Variants in CTNNA1 observed in about 807,000 individuals in gnomAD.
CTNNA1 encodes the protein catenin alpha 1, also known as catenin alpha-1.
In CTNNA1, 37 loss-of-function variants were observed where a neutral mutation model predicts 98.4. The observed-to-expected ratio is 0.38, with a 90% CI of 0.29 to 0.49. The LOEUF is 0.49. Among genes scored for constraint, CTNNA1 ranks in the 20% least tolerant of loss-of-function variants. The pLI, the probability that CTNNA1 is intolerant of heterozygous loss-of-function variation, is 0.95. For synonymous variants in CTNNA1, 404 were observed against 413.2 expected, an observed-to-expected ratio of 0.98 and a Z score of 0.27; for missense variants, 761 against 1,147.2, an observed-to-expected ratio of 0.66 and a Z score of 4.86.
At chr5:138,883,617 G>A (rs1193285142) in intron 7 of CTNNA1, among the ~76,000 whole-genome samples, 1 of 152,136 alleles carries the variant, frequency 6.6e-6, no homozygotes, top group Non-Finnish European at 1.5e-5. Flanking sequence ...AAATTCCTGG[G>A]CATTTCAGGT....
chr5:138,873,934 C>G lies in CTNNA1; in HGVS notation c.1063-12278C>G, dbSNP rs1338569045. 1 of 1,614,002 alleles carries G rather than the reference C, an allele frequency of 6.2e-7. No individual in the cohort carries two copies. The highest frequency in any genetic ancestry group is 1.7e-5 in the Admixed American group (1 of 60,022). On this transcript the variant is annotated intron_variant, in intron 7 of 17. Coordinates refer to ENST00000302763, the MANE Select transcript of CTNNA1 (RefSeq NM_001903.5). This position sits in a 1 kb window ranked among gnomAD's most constrained non-coding sequence, Gnocchi z 6.1. ...TCAGCTGGTTGTGCTCTAGGTGAAG[C>G]TCTCTCAGTTTAATTAATCCTGCAA...
intron 14 of CTNNA1, 50 bp downstream of exon 14, chr5:138,929,406 T>C: frequency 1.1e-6 from 1 of 905,108 alleles, no homozygotes; most frequent in Non-Finnish European, 1.9e-6. Flanking sequence ...CGACTTTCCC[T>C]GTCCCCTTTC....
intron 7 of CTNNA1, among the ~76,000 whole-genome samples, chr5:138,835,228 G>T (rs750976693): frequency 6.6e-6 from 1 of 152,174 alleles, no homozygotes; most frequent in Admixed American, 6.5e-5. Context: ...GGTGACAGGG[G>T]ATATGATGGC....
intron 9 of CTNNA1, among the ~76,000 whole-genome samples, chr5:138,896,692 C>T (rs1756887073): frequency 6.6e-6 from 1 of 152,176 alleles, no homozygotes; most frequent in Non-Finnish European, 1.5e-5. Flanking sequence ...GAGGGCATTT[C>T]TTTCATCTGT....
chr5:138,875,725 C>G, intron 7 of CTNNA1: 1 of 985,310 alleles, frequency 1.0e-6, no homozygotes, highest in Non-Finnish European at 1.2e-6. Context: ...TGATTTAACA[C>G]CAGCCTATGC....
At chr5:138,910,055 T>G (rs561586863) in intron 10 of CTNNA1, among the ~76,000 whole-genome samples, 1 of 152,270 alleles carries the variant, frequency 6.6e-6, no homozygotes, top group East Asian at 1.9e-4. Context: ...ACTAAAAGTT[T>G]CTCTGAGCAT....
At chr5:138,890,260 C>T (rs1755060373) in intron 9 of CTNNA1, among the ~76,000 whole-genome samples, 1 of 152,160 alleles carries the variant, frequency 6.6e-6, no homozygotes, top group African/African-American at 2.4e-5. Context: ...GGGTTGAGTG[C>T]TCCTCCTAAA....
rs2150288535 is a variant in CTNNA1, at chr5:138,924,583, C to T, written c.1620C>T (p.Arg540=). ...AGAAGGATGTGGATGGCCTGGACCGCACAGCTGGTGCAATTCGAGGCCGGG... is the reference window on the plus strand; with the variant it reads ...AGAAGGATGTGGATGGCCTGGACCGTACAGCTGGTGCAATTCGAGGCCGGG... ...LQEKDVDGLD[R]TAGAIRGRAA... Residue 540 remains arginine (R), a synonymous_variant, in exon 12 of 18, where the codon CGC becomes CGT. Coordinates refer to ENST00000302763, the MANE Select transcript of CTNNA1 (RefSeq NM_001903.5). The T allele has an allele frequency of 6.2e-7, 1 of 1,614,178 alleles. No individual in the cohort carries two copies.
At chr5:138,888,452 G>A (rs1754579462) in intron 9 of CTNNA1, among the ~76,000 whole-genome samples, 1 of 152,174 alleles carries the variant, frequency 6.6e-6, no homozygotes, top group Non-Finnish European at 1.5e-5. Flanking sequence ...CATATGGTAA[G>A]CTGGTCATTG....
intron 3 of CTNNA1, among the ~76,000 whole-genome samples, chr5:138,788,380 A>G (rs1053945744): frequency 6.6e-6 from 1 of 152,176 alleles, no homozygotes; most frequent in Non-Finnish European, 1.5e-5. Context: ...CCAGTGCCAA[A>G]TGTAAATGCA....
intron 9 of CTNNA1, among the ~76,000 whole-genome samples, chr5:138,897,315 G>A (rs998664751): frequency 2.8e-4 from 10 of 35,338 alleles, no homozygotes; most frequent in East Asian, 2.1e-3. Flanking sequence ...CCCCGCCCCC[G>A]CCCAGCACAC....
chr5:138,928,893 G>A (rs915187617), intron 13 of CTNNA1, among the ~76,000 whole-genome samples: 4 of 151,844 alleles, frequency 2.6e-5, no homozygotes, highest in Non-Finnish European at 4.4e-5. Context: ...CCAAGATCAC[G>A]CCACTGCACT....
chr5:138,854,502 A>G (rs1461722288), intron 7 of CTNNA1, among the ~76,000 whole-genome samples: 1 of 152,206 alleles, frequency 6.6e-6, no homozygotes, highest in African/African-American at 2.4e-5. Context: ...TGTAAATGCT[A>G]GAGGAACTTA....
At chr5:138,823,832 C>CT (rs1760316446) in intron 5 of CTNNA1, among the ~76,000 whole-genome samples, 1 of 149,762 alleles carries the variant, frequency 6.7e-6, no homozygotes, top group African/African-American at 2.4e-5. Flanking sequence ...TGGCGGGCGC[C>CT]TGTAGTCCCA....
intron 1 of CTNNA1, among the ~76,000 whole-genome samples, chr5:138,761,274 G>A (rs976770398): frequency 1.3e-5 from 2 of 152,028 alleles, no homozygotes; most frequent in African/African-American, 2.4e-5. Flanking sequence ...TCACCCTGTC[G>A]CCCAGTCTGG....
chr5:138,778,263 G>A (rs1754634561), intron 1 of CTNNA1, among the ~76,000 whole-genome samples: 1 of 152,092 alleles, frequency 6.6e-6, no homozygotes, highest in Admixed American at 6.6e-5. Context: ...CAAAGTGCTG[G>A]GATTACAGAC....
chr5:138,852,766 C>T (rs1763317923), intron 7 of CTNNA1, among the ~76,000 whole-genome samples: 1 of 151,962 alleles, frequency 6.6e-6, no homozygotes, highest in Admixed American at 6.6e-5. Context: ...CCACATTCCA[C>T]ATCCTCTCCT....
intron 8 of CTNNA1, 60 bp from the exon 9 acceptor site, chr5:138,887,430 C>T: frequency 7.9e-7 from 1 of 1,271,210 alleles, no homozygotes; most frequent in Non-Finnish European, 1.1e-6. Flanking sequence ...GAATAAAAAG[C>T]AATCTATTTA....
intron 1 of CTNNA1, among the ~76,000 whole-genome samples, chr5:138,766,232 A>T (rs1380267027): frequency 6.6e-6 from 1 of 152,142 alleles, no homozygotes; most frequent in Non-Finnish European, 1.5e-5. Flanking sequence ...CAGATGTCTG[A>T]GTCTTGAAGG....
Sources: gnomAD v4.1 joint callset for allele counts (sites outside exome capture counted in the v4.1 genomes callset) on GRCh38, gnomAD v4.1.1 for gene constraint, Gnocchi (gnomAD v3.1) non-coding constraint, MANE v1.5 for transcripts, NCBI Gene and HGNC (gene_info 2026-07-23, HGNC 2026-07-21) for gene names.